Variants in LZTS1 observed in about 807,000 individuals in gnomAD.
LZTS1 encodes the protein leucine zipper putative tumor suppressor 1.
A neutral mutation model predicts 45.8 loss-of-function variants in LZTS1; 31 were observed. The ratio of observed to expected loss-of-function variants is 0.68; its 90% CI spans 0.51 to 0.91. LZTS1 has a LOEUF of 0.91. Ranked by LOEUF, LZTS1 falls within the 40% of genes least tolerant of loss-of-function variation. The pLI, the probability that LZTS1 is intolerant of heterozygous loss-of-function variation, is 0.00. For missense variants in LZTS1, 821 were observed against 788.9 expected, an observed-to-expected ratio of 1.04 and a Z score of -0.49; for synonymous variants, 359 against 357.3, an observed-to-expected ratio of 1.00 and a Z score of -0.05.
intron 1 of LZTS1, among the ~76,000 whole-genome samples, chr8:20,274,630 G>A (rs1383843297): frequency 6.6e-6 from 1 of 152,168 alleles, no homozygotes; most frequent in African/African-American, 2.4e-5. Flanking sequence ...GGGCGTAAGT[G>A]CGTGTACCAG....
intron 1 of LZTS1, among the ~76,000 whole-genome samples, chr8:20,268,757 T>TG (rs1324042224): frequency 2.6e-4 from 36 of 140,084 alleles, no homozygotes; most frequent in African/African-American, 9.4e-4. Context: ...GCTGAGGTGC[T>TG]GGGGGGAGAG....
intron 3 of LZTS1, among the ~76,000 whole-genome samples, chr8:20,252,022 C>A (rs1435469635): frequency 6.6e-6 from 1 of 152,090 alleles, no homozygotes; most frequent in Non-Finnish European, 1.5e-5. Context: ...CGTGGACAGA[C>A]CAAGCTGGGT....
At chr8:20,293,474 C>T (rs566844843) in intron 1 of LZTS1, among the ~76,000 whole-genome samples, 5 of 152,318 alleles carry the variant, frequency 3.3e-5, no homozygotes, top group Admixed American at 3.3e-4. Flanking sequence ...AGACTCGGTG[C>T]TGATTCTGTT....
chr8:20,299,044 G>A (rs1801026874), intron 1 of LZTS1, among the ~76,000 whole-genome samples: 1 of 152,174 alleles, frequency 6.6e-6, no homozygotes, highest in Non-Finnish European at 1.5e-5. Flanking sequence ...GGAGGGATCT[G>A]GAGGCTAATT....
At chr8:20,281,007 G>A (rs369707512) in intron 1 of LZTS1, among the ~76,000 whole-genome samples, 2 of 152,214 alleles carry the variant, frequency 1.3e-5, no homozygotes, top group African/African-American at 4.8e-5. Flanking sequence ...GGCCTGGGTG[G>A]CTGCAATGGC....
chr8:20,263,611 G>A (rs1054703179), intron 1 of LZTS1, among the ~76,000 whole-genome samples: 1 of 152,170 alleles, frequency 6.6e-6, no homozygotes, highest in Non-Finnish European at 1.5e-5. Context: ...CATTGGAAGT[G>A]AAACTAAAGC....
chr8:20,268,249 C>G (rs1484455470), intron 1 of LZTS1, among the ~76,000 whole-genome samples: 2 of 146,440 alleles, frequency 1.4e-5, no homozygotes, highest in Admixed American at 1.4e-4. Context: ...GATGTGAGAA[C>G]AGTCCCCAGG....
intron 1 of LZTS1, among the ~76,000 whole-genome samples, chr8:20,270,469 G>C (rs1219324907): frequency 2.0e-5 from 3 of 152,216 alleles, no homozygotes; most frequent in African/African-American, 7.2e-5. Context: ...GTCTTTCCAG[G>C]GAAAATTAAG....
intron 3 of LZTS1, among the ~76,000 whole-genome samples, chr8:20,251,147 AT>A: frequency 9.2e-6 from 1 of 109,072 alleles, no homozygotes; most frequent in Non-Finnish European, 2.0e-5. Context: ...ATATATATAT[AT>A]AAAATATAAA....
At chr8:20,286,980 C>T (rs1007217759) in intron 1 of LZTS1, among the ~76,000 whole-genome samples, 1 of 147,844 alleles carries the variant, frequency 6.8e-6, no homozygotes, top group African/African-American at 2.7e-5. Context: ...TTTTAATGTT[C>T]TCTCTTGACT....
In LZTS1 at chr8:20,260,041, C is replaced by T. The variant is rs918796356; in HGVS notation, c.-134-4726G>A. On this transcript the variant is annotated intron_variant, in intron 1 of 3. Coordinates refer to ENST00000381569, the MANE Select transcript of LZTS1 (RefSeq NM_021020.5). ...CTTAGCCCCAGAGTAGATGGGATGA[C>T]GGCACATACCATTACTCCTGGCTAA... 3.9e-5 allele frequency among the ~76,000 whole-genome samples: 6 copies of T among 152,068 alleles called. No individual in the cohort carries two copies. The East Asian group carries it at 5.8e-4, about 15-fold the overall frequency.
chr8:20,264,293 CTACTTAGATGT>C (rs1800304770), intron 1 of LZTS1, among the ~76,000 whole-genome samples: 1 of 152,180 alleles, frequency 6.6e-6, no homozygotes, highest in Non-Finnish European at 1.5e-5. Context: ...TTACTATTCC[CTACTTAGATGT>C]TTCCATTCTG....
At chr8:20,271,674 C>T (rs1473463707) in intron 1 of LZTS1, among the ~76,000 whole-genome samples, 1 of 152,226 alleles carries the variant, frequency 6.6e-6, no homozygotes, top group Non-Finnish European at 1.5e-5. Flanking sequence ...CCTCCCTGAC[C>T]GCGGCTGCTT....
At chr8:20,278,233 C>T (rs915099657) in intron 1 of LZTS1, among the ~76,000 whole-genome samples, 1 of 152,102 alleles carries the variant, frequency 6.6e-6, no homozygotes, top group Non-Finnish European at 1.5e-5. Context: ...TTCAAGCATG[C>T]GCACTAAGAG....
chr8:20,287,829 G>A (rs1285214704), intron 1 of LZTS1, among the ~76,000 whole-genome samples: 6 of 147,116 alleles, frequency 4.1e-5, no homozygotes, highest in African/African-American at 1.3e-4. Context: ...GGGGGGCTGA[G>A]GCAGGAGAAT....
At chr8:20,272,996 C>T (rs1260266272) in intron 1 of LZTS1, among the ~76,000 whole-genome samples, 2 of 152,202 alleles carry the variant, frequency 1.3e-5, no homozygotes, top group South Asian at 2.1e-4. Flanking sequence ...AGAGACAGAA[C>T]ATCATACTCA....
intron 1 of LZTS1, among the ~76,000 whole-genome samples, chr8:20,267,556 G>T (rs536001593): frequency 1.3e-5 from 2 of 152,010 alleles, no homozygotes; most frequent in Admixed American, 6.5e-5. Flanking sequence ...TCACTCTGTC[G>T]CCAGGCTGGA....
At chr8:20,285,314 C>T (rs1800774208) in intron 1 of LZTS1, among the ~76,000 whole-genome samples, 1 of 152,220 alleles carries the variant, frequency 6.6e-6, no homozygotes, top group Non-Finnish European at 1.5e-5. Flanking sequence ...GCCACCCTGA[C>T]CTGCCTCAGT....
At chr8:20,283,859 C>T (rs1246658980) in intron 1 of LZTS1, among the ~76,000 whole-genome samples, 3 of 152,316 alleles carry the variant, frequency 2.0e-5, no homozygotes, top group Non-Finnish European at 4.4e-5. Context: ...AATGTGCATC[C>T]TGCCTGCCCA....
Sources: gnomAD v4.1 joint callset for allele counts (sites outside exome capture counted in the v4.1 genomes callset) on GRCh38, gnomAD v4.1.1 for gene constraint, MANE v1.5 for transcripts, NCBI Gene and HGNC (gene_info 2026-07-23, HGNC 2026-07-21) for gene names.